Variants in ERG observed in about 807,000 individuals in gnomAD.
The protein encoded by ERG is transcriptional regulator ERG.
ERG carries 9 observed loss-of-function variants against 55.3 expected under a neutral mutation model. The observed-to-expected ratio is 0.16, with a 90% CI of 0.10 to 0.28. ERG has a LOEUF of 0.28. Among genes scored for constraint, ERG ranks in the 10% least tolerant of loss-of-function variants. The pLI is 1.00. For missense variants in ERG, 434 were observed against 631.6 expected (o/e 0.69, Z 3.35); for synonymous variants, 223 against 237.3 (o/e 0.94, Z 0.55).
chr21:38,584,972 C>A (rs1169782984), upstream of ERG: 1 of 152,120 alleles, frequency 6.6e-6, no homozygotes, highest in African/African-American at 2.4e-5. Context: ...GAATATTAAA[C>A]CTTATTTTGT....
intron 1 of ERG, among the ~76,000 whole-genome samples, chr21:38,610,521 ACG>A (rs761784631): frequency 0.02 from 2,450 of 124,552 alleles, 45 homozygotes; most frequent in African/African-American, 0.063. Context: ...ACGTGCGCGC[ACG>A]CGCGTGTGTG....
At chr21:38,567,584 C>CG (rs1354236010) in intron 2 of ERG, among the ~76,000 whole-genome samples, 1 of 152,080 alleles carries the variant, frequency 6.6e-6, no homozygotes, top group African/African-American at 2.4e-5. Context: ...ACTTTGGGGG[C>CG]GGGGGAACTC....
intron 1 of ERG, among the ~76,000 whole-genome samples, chr21:38,452,707 A>T (rs1386861061): frequency 6.6e-6 from 1 of 152,126 alleles, no homozygotes; most frequent in Non-Finnish European, 1.5e-5. Context: ...TGCTCAGCAC[A>T]TCCCTTCAGA....
chr21:38,598,857 T>C (rs1470803915), intron 1 of ERG, among the ~76,000 whole-genome samples: 2 of 152,104 alleles, frequency 1.3e-5, no homozygotes, highest in African/African-American at 4.8e-5. Flanking sequence ...CACAATTAGC[T>C]CTTGTGCACC....
At chr21:38,503,136 CTCTTCT>C (rs926911253), upstream of ERG, among the ~76,000 whole-genome samples, 1 of 152,090 alleles carries the variant, frequency 6.6e-6, no homozygotes, top group Non-Finnish European at 1.5e-5. Flanking sequence ...GTTTTTTCCC[CTCTTCT>C]TCTTTGGTTC....
rs1422456446 is a variant in ERG, at chr21:38,403,617, G to C, written c.481C>G (p.Gln161Glu). 9.9e-6 allele frequency: 16 copies of C among 1,614,030 alleles called. No individual in the cohort carries two copies. The Admixed American group carries it at 2.3e-4, about 24-fold the overall frequency. Residue 161 changes from glutamine to glutamate, a missense_variant, in exon 4 of 10, where the codon CAG becomes GAG. By Grantham distance (29) the Gln-to-Glu change is conservative. Coordinates refer to ENST00000288319, the MANE Select transcript of ERG (RefSeq NM_182918.4). ...GLPDVNILLF[Q>E]NIDGKELCKM... Reference sequence around the variant, plus strand: ...CACAGTTCCTTCCCATCGATGTTCTGGAATAACAAGATGTTGACGTCTGGA... The same window carrying C: ...CACAGTTCCTTCCCATCGATGTTCTCGAATAACAAGATGTTGACGTCTGGA...
the ERG span, among the ~76,000 whole-genome samples, chr21:38,373,635 T>C: frequency 6.6e-6 from 1 of 152,214 alleles, no homozygotes; most frequent in Non-Finnish European, 1.5e-5. Flanking sequence ...TGTTTTAAGA[T>C]GTATATTACC....
Position 38,382,903 on chromosome 21 carries a change from T to C in ERG, c.*500A>G, listed in dbSNP as rs1987514244. 9.4e-7 allele frequency: 1 copy of C among 1,066,498 alleles called. No homozygotes were observed. Among genetic ancestry groups the C allele is most frequent in the Non-Finnish European group, 1.1e-6 (1 of 879,860 alleles). The allele number at this position is 1,066,498 out of a possible 1,614,324, so 66.1% of individuals were successfully genotyped here. ...CCATGCAGTTGCATATCAACGTCTG[T>C]TGATGGGCCACAGTCTCTCTCGTGT... On this transcript the variant is annotated 3_prime_UTR_variant, in exon 10 of 10. Transcript: ENST00000288319.
intron 2 of ERG, among the ~76,000 whole-genome samples, chr21:38,522,093 A>C (rs2059599133): frequency 6.6e-6 from 1 of 152,186 alleles, no homozygotes; most frequent in Non-Finnish European, 1.5e-5. Context: ...AGTTGCTTTA[A>C]TCTAAACCTA....
At chr21:38,485,865 C>A (rs1328016639) in intron 1 of ERG, among the ~76,000 whole-genome samples, 2 of 152,046 alleles carry the variant, frequency 1.3e-5, no homozygotes, top group Non-Finnish European at 2.9e-5. Context: ...TTCCATCCTG[C>A]AAGCTCCATT....
the ERG span, among the ~76,000 whole-genome samples, chr21:38,374,156 C>G: frequency 3.9e-5 from 6 of 152,328 alleles, no homozygotes; most frequent in Admixed American, 3.9e-4. Context: ...CAATTTTTCG[C>G]TCTCTTGTGC....
At chr21:38,440,876 G>T (rs1197814627) in intron 2 of ERG, among the ~76,000 whole-genome samples, 2 of 151,058 alleles carry the variant, frequency 1.3e-5, no homozygotes, top group Admixed American at 1.3e-4. Flanking sequence ...CTGCCCCAAG[G>T]CTGCCTCCAA....
upstream of ERG, among the ~76,000 whole-genome samples, chr21:38,500,220 C>T (rs2059411109): frequency 6.6e-6 from 1 of 152,202 alleles, no homozygotes; most frequent in African/African-American, 2.4e-5. Flanking sequence ...CCTGATTATG[C>T]CTTTACCAAA....
At chr21:38,419,129 A>T (rs1349402947) in intron 3 of ERG, among the ~76,000 whole-genome samples, 2 of 151,938 alleles carry the variant, frequency 1.3e-5, no homozygotes, top group Non-Finnish European at 2.9e-5. Flanking sequence ...CCTATGAGAG[A>T]TCCTCCTAGA....
chr21:38,442,452 G>A lies in ERG; in HGVS notation c.236+2952C>T, dbSNP rs1052505385. 5.9e-5 allele frequency among the ~76,000 whole-genome samples: 9 copies of A among 152,250 alleles called. No homozygotes were observed. The South Asian group carries it at 8.3e-4, about 14-fold the overall frequency. On this transcript the variant is annotated intron_variant, in intron 2 of 9. Transcript: ENST00000288319. ...AGTTCCCCTGAAAAAGATGTTTCCC[G>A]GAAAGAGACCCTCAGCGCAGCACCA... is the stretch of plus-strand genomic sequence containing the variant.
At chr21:38,647,186 G>A (rs1172793936) in intron 1 of ERG, among the ~76,000 whole-genome samples, 1 of 152,088 alleles carries the variant, frequency 6.6e-6, no homozygotes, top group Non-Finnish European at 1.5e-5. Flanking sequence ...CAGTTTTCAG[G>A]CCACGTTCTA....
At position 38,383,795 on chromosome 21, in the gene ERG, G is replaced by A. The variant is rs1333152977; in HGVS notation, c.1048C>T (p.Arg350Cys). ...KMTDPDEVAR[R>C]WGERKSKPNM... ...GGTTTGCTCTTCCGCTCTCCCCAGC[G>A]CCGGGCCACCTCGTCGGGATCCGTC... Residue 350 changes from arginine to cysteine, a missense_variant, in exon 10 of 10, where the codon CGC becomes TGC. Around this residue, in one of 5 missense-constraint regions of ERG, gnomAD observed 13 missense variants for 76.6 expected, o/e 0.17. Transcript: ENST00000288319. The surrounding 1 kb of genome is among the most constrained non-coding windows in gnomAD (Gnocchi z 5.7). The A allele has an allele frequency of 6.2e-7, 1 of 1,614,174 alleles. No homozygotes were observed.
chr21:38,584,418 A>G (rs2060049722), intron 1 of ERG, among the ~76,000 whole-genome samples: 1 of 152,224 alleles, frequency 6.6e-6, no homozygotes, highest in African/African-American at 2.4e-5. Context: ...AGGTGAAATA[A>G]CCACAAAATG....
chr21:38,500,159 C>T (rs989903589), upstream of ERG, among the ~76,000 whole-genome samples: 33 of 152,294 alleles, frequency 2.2e-4, no homozygotes, highest in African/African-American at 6.5e-4. Context: ...TTGTTCTCTC[C>T]TAAGAAGCAT....
Sources: gnomAD v4.1 joint callset for allele counts (sites outside exome capture counted in the v4.1 genomes callset) on GRCh38, gnomAD v4.1.1 for gene constraint, gnomAD v4.1.1 regional missense constraint, Gnocchi (gnomAD v3.1) non-coding constraint, MANE v1.5 for transcripts, NCBI Gene and HGNC (gene_info 2026-07-23, HGNC 2026-07-21) for gene names.